COG3: variants seen among roughly 807,000 people sequenced by gnomAD.
COG3 encodes the protein conserved oligomeric Golgi complex subunit 3.
Under a neutral mutation model 114.1 loss-of-function variants are expected in COG3, and 32 were observed. The observed-to-expected ratio is 0.28, with a 90% CI of 0.21 to 0.38. The LOEUF (loss-of-function observed/expected upper bound fraction) is 0.38. COG3 is among the 10% of genes least tolerant of loss of function. COG3 has a pLI of 1.00. For synonymous variants in COG3, 352 were observed against 365.7 expected, an observed-to-expected ratio of 0.96 and a Z score of 0.43; for missense variants, 813 against 973.2, an observed-to-expected ratio of 0.84 and a Z score of 2.19.
chr13:45,491,108 C>G (rs59645395), intron 9 of COG3, 150 bp downstream of exon 9: 23,200 of 625,250 alleles, frequency 0.037, 2,103 homozygotes, highest in African/African-American at 0.27. Context: ...AGGTCACAGA[C>G]TTAGCCAGTT....
chr13:45,482,841 G>T (rs1282295423), intron 6 of COG3, among the ~76,000 whole-genome samples: 1 of 152,118 alleles, frequency 6.6e-6, no homozygotes, highest in Non-Finnish European at 1.5e-5. Context: ...AGTGTTACTT[G>T]GGGGGAAATA....
intron 14 of COG3, among the ~76,000 whole-genome samples, chr13:45,506,882 G>A (rs1870213804): frequency 6.6e-6 from 1 of 152,210 alleles, no homozygotes; most frequent in African/African-American, 2.4e-5. Flanking sequence ...GATTGGTGGA[G>A]GGACCCATCT....
rs1464295416 is a variant in COG3 at position 45,464,966 on chromosome 13, G to A, written c.-71G>A. The A allele has an allele frequency of 2.7e-6, 4 of 1,496,242 alleles. No homozygotes were observed. The highest frequency in any genetic ancestry group is 3.5e-6 in the Non-Finnish European group (4 of 1,127,204). The allele number at this position is 1,496,242 out of a possible 1,614,324, so 92.7% of individuals were successfully genotyped here. A position where few individuals can be genotyped will look rare whatever the true frequency, so the allele number is the denominator to read the frequency against. The stretch of plus-strand genomic sequence containing the variant: ...AGTGTTGGAAGCTCCGGTTCTCCCG[G>A]AAGTGGCCCAGGTCTCTCTGTCGGG... On this transcript the variant is annotated 5_prime_UTR_variant, in exon 1 of 23. Transcript: ENST00000349995.
chr13:45,535,135 A>G lies in COG3; in HGVS notation c.*404A>G. The stretch of plus-strand genomic sequence containing the variant: ...TAAGAGTAAGGTTTGCTAAAACGTG[A>G]AACACTGTAACACTTTTAACCACTG... On this transcript the variant is annotated 3_prime_UTR_variant, in exon 23 of 23. Transcript: ENST00000349995. 1.0e-6 allele frequency: 1 copy of G among 1,001,006 alleles called. No individual in the cohort carries two copies. The highest frequency in any genetic ancestry group is 1.2e-6 in the Non-Finnish European group (1 of 840,696). 62.0% of individuals were successfully genotyped at this position (1,001,006 alleles called of 1,614,324 possible).
intron 13 of COG3, among the ~76,000 whole-genome samples, chr13:45,501,862 G>A (rs1020297212): frequency 2.6e-5 from 4 of 152,176 alleles, no homozygotes; most frequent in African/African-American, 4.8e-5. Flanking sequence ...CTGGAAATAT[G>A]TTCTTACCTG....
chr13:45,505,009 A>G (rs1869967878), intron 14 of COG3, among the ~76,000 whole-genome samples: 1 of 151,868 alleles, frequency 6.6e-6, no homozygotes, highest in South Asian at 2.1e-4. Flanking sequence ...CAACATGGTG[A>G]AACCCCGTCT....
At chr13:45,513,557 A>G (rs920768302) in intron 16 of COG3, among the ~76,000 whole-genome samples, 2 of 144,616 alleles carry the variant, frequency 1.4e-5, no homozygotes, top group Non-Finnish European at 3.0e-5. Context: ...TAAATTATAT[A>G]TATAAAAGTG....
At chr13:45,465,420 G>T in intron 1 of COG3, 1 of 794,380 alleles carries the variant, frequency 1.3e-6, no homozygotes. Flanking sequence ...GCCTGGGGAC[G>T]GCTGTGGGGG....
intron 8 of COG3, among the ~76,000 whole-genome samples, chr13:45,487,754 GA>G (rs547801015): frequency 2.7e-4 from 41 of 152,282 alleles, no homozygotes; most frequent in African/African-American, 9.6e-4. Flanking sequence ...TGAGGATGCA[GA>G]CAAAAGGAAA....
chr13:45,501,561 G>A (rs986113210), intron 13 of COG3, among the ~76,000 whole-genome samples: 2 of 152,132 alleles, frequency 1.3e-5, no homozygotes, highest in South Asian at 2.1e-4. Flanking sequence ...AACTTCAGGT[G>A]CATCAGTATA....
rs777311371 is a variant in COG3, at chr13:45,491,400, G to T, written c.969-12G>T. 6.3e-6 allele frequency: 10 copies of T among 1,597,098 alleles called. No homozygotes were observed. Among genetic ancestry groups the T allele is most frequent in the Admixed American group, 1.8e-5 (1 of 54,646 alleles). On this transcript the variant is annotated splice_polypyrimidine_tract_variant and intron_variant, in intron 9 of 22. Coordinates refer to ENST00000349995, the MANE Select transcript of COG3 (RefSeq NM_031431.4). ...TGAAATGAAAAGTTTAATCTCATTT[G>T]CTTTCTGTCAGATACCAACAACTGC...
At chr13:45,470,105 T>A (rs1325629540) in intron 1 of COG3, among the ~76,000 whole-genome samples, 1 of 152,214 alleles carries the variant, frequency 6.6e-6, no homozygotes, top group Non-Finnish European at 1.5e-5. Context: ...AAGAGTAAAT[T>A]CTGTCTTTTC....
At chr13:45,510,362 CT>C (rs1870726576) in intron 15 of COG3, among the ~76,000 whole-genome samples, 1 of 152,214 alleles carries the variant, frequency 6.6e-6, no homozygotes, top group African/African-American at 2.4e-5. Flanking sequence ...TTCTGGGACT[CT>C]TAAGGACAGG....
Position 45,518,948 on chromosome 13 carries a change from C to T in COG3, c.2020-12C>T. 2.5e-6 allele frequency: 4 copies of T among 1,613,884 alleles called. No individual in the cohort carries two copies. Among genetic ancestry groups the T allele is most frequent in the Non-Finnish European group, 3.4e-6 (4 of 1,179,922 alleles). Reference sequence around the variant, plus strand: ...CATAAAAACAGGAGGAAATTGTTATCTTCTTTTTAAGGGTACTCCTGAGAT... The same window carrying T: ...CATAAAAACAGGAGGAAATTGTTATTTTCTTTTTAAGGGTACTCCTGAGAT... On this transcript the variant is annotated splice_polypyrimidine_tract_variant and intron_variant, in intron 18 of 22. Coordinates refer to ENST00000349995, the MANE Select transcript of COG3 (RefSeq NM_031431.4).
intron 8 of COG3, 75 bp from the exon 9 acceptor site, chr13:45,490,840 A>G: frequency 1.3e-6 from 1 of 749,840 alleles, no homozygotes; most frequent in South Asian, 2.4e-5. Flanking sequence ...ATGTGATACA[A>G]TTAATATTAT....
chr13:45,511,851 C>T lies in COG3; in HGVS notation c.1806C>T (p.Asn602=). ...LLGASESISK[N]KTQIDGQLFL... ...GAGCGTCAGAGTCTATCAGCAAAAA[C>T]AAGGTTTGATGAAGTGTTAGGTGAA... is the stretch of plus-strand genomic sequence containing the variant. The change falls in exon 16 of 23, where the codon AAC becomes AAT. Residue 602 remains asparagine (N), a synonymous_variant. Coordinates refer to ENST00000349995, the MANE Select transcript of COG3 (RefSeq NM_031431.4). 6.2e-7 allele frequency: 1 copy of T among 1,611,398 alleles called. No individual in the cohort carries two copies. The highest frequency in any genetic ancestry group is 8.5e-7 in the Non-Finnish European group (1 of 1,177,566).
chr13:45,481,979 A>ATATAG (rs1886274831), intron 5 of COG3, among the ~76,000 whole-genome samples: 1 of 152,190 alleles, frequency 6.6e-6, no homozygotes, highest in South Asian at 2.1e-4. Flanking sequence ...TGACTGCTAA[A>ATATAG]TATAGTATGA....
intron 1 of COG3, among the ~76,000 whole-genome samples, chr13:45,467,613 G>A (rs1031742201): frequency 6.6e-6 from 1 of 152,092 alleles, no homozygotes; most frequent in South Asian, 2.1e-4. Flanking sequence ...TGCAGTAGCC[G>A]AGCTGGTTAT....
chr13:45,508,112 C>T (rs1355114846), intron 14 of COG3, among the ~76,000 whole-genome samples: 1 of 116,486 alleles, frequency 8.6e-6, no homozygotes, highest in Admixed American at 8.6e-5. Flanking sequence ...AAAGAAAGCA[C>T]TAAGCTTCAA....
Sources: allele counts gnomAD v4.1 joint callset (sites outside exome capture counted in the v4.1 genomes callset), GRCh38; gene constraint gnomAD v4.1.1; transcripts MANE v1.5; gene names NCBI Gene and HGNC (gene_info 2026-07-23, HGNC 2026-07-21).